The following STRN3 variants were observed in gnomAD, a reference collection of about 807,000 sequenced individuals.
STRN3 encodes striatin-3.
STRN3 carries 29 observed loss-of-function variants against 95.6 expected under a neutral mutation model. That is an observed-to-expected ratio of 0.30 (90% CI 0.23 to 0.41). STRN3 has a LOEUF of 0.41. STRN3 is among the 10% of genes least tolerant of loss of function. STRN3 has a pLI of 1.00. For synonymous variants in STRN3, 331 were observed against 357.6 expected, an observed-to-expected ratio of 0.93 and a Z score of 0.84; for missense variants, 890 against 972.1, an observed-to-expected ratio of 0.92 and a Z score of 1.12.
intron 16 of STRN3, among the ~76,000 whole-genome samples, chr14:30,901,787 A>G (rs780916179): frequency 6.6e-6 from 1 of 152,186 alleles, no homozygotes; most frequent in Non-Finnish European, 1.5e-5. Context: ...CAACTGGTAT[A>G]TTTCCCTACA....
intron 3 of STRN3, among the ~76,000 whole-genome samples, chr14:30,953,547 T>A (rs1207072987): frequency 6.6e-6 from 1 of 152,230 alleles, no homozygotes; most frequent in African/African-American, 2.4e-5. Flanking sequence ...CTGTAAATAA[T>A]GATGCTATGA....
At chr14:30,913,358 CAA>C (rs1263105296) in intron 10 of STRN3, among the ~76,000 whole-genome samples, 164 bp downstream of exon 10, 4 of 151,908 alleles carry the variant, frequency 2.6e-5, no homozygotes, top group African/African-American at 4.8e-5. Context: ...TTAAATACCA[CAA>C]AGAGAGTAGT....
chr14:30,965,392 G>A (rs1880434708), intron 1 of STRN3, among the ~76,000 whole-genome samples: 2 of 152,000 alleles, frequency 1.3e-5, no homozygotes, highest in African/African-American at 2.4e-5. Flanking sequence ...AGACTGGTTG[G>A]CTCCTTAAGT....
intron 1 of STRN3, among the ~76,000 whole-genome samples, chr14:30,965,448 A>C (rs988933367): frequency 6.6e-6 from 1 of 152,020 alleles, no homozygotes; most frequent in Non-Finnish European, 1.5e-5. Context: ...GCACTTTAGG[A>C]GACTAAGGCA....
chr14:30,960,873 A>C (rs2139160590), intron 1 of STRN3, among the ~76,000 whole-genome samples: 1 of 150,534 alleles, frequency 6.6e-6, no homozygotes. Context: ...CATCTCAAAA[A>C]AAAAAAAAAA....
At chr14:31,015,846 C>T (rs1241234610) in intron 1 of STRN3, among the ~76,000 whole-genome samples, 2 of 152,050 alleles carry the variant, frequency 1.3e-5, no homozygotes, top group Admixed American at 6.6e-5. Flanking sequence ...TCACCCAGGC[C>T]GGAGTGCAGT....
Position 31,025,933 on chromosome 14 carries a change from G to A in STRN3, c.253C>T (p.His85Tyr). The stretch of plus-strand genomic sequence containing the variant: ...AGTTCGGCCCGTTCCACCTCCCAGT[G>A]CGCCCGCTCCATCTCGAACCGAGCC... ...EWARFEMERA[H>Y]WEVERAELQA... Residue 85 changes from histidine (H) to tyrosine (Y), a missense_variant, in exon 1 of 18, where the codon CAC becomes TAC. This residue lies in a region of STRN3 where 526 missense variants were observed against 526.3 expected (regional missense o/e 1.00). Coordinates refer to ENST00000357479, the MANE Select transcript of STRN3 (RefSeq NM_001083893.2). 4 of 1,600,976 alleles carry A rather than the reference G, an allele frequency of 2.5e-6. No homozygotes were observed. Among genetic ancestry groups the A allele is most frequent in the East Asian group, 2.3e-5 (1 of 43,816 alleles).
chr14:30,905,379 C>T, intron 15 of STRN3, 39 bp downstream of exon 15: 1 of 1,549,860 alleles, frequency 6.5e-7, no homozygotes, highest in Non-Finnish European at 8.7e-7. Flanking sequence ...TGTGTAATAA[C>T]CCTTTTTAAG....
rs1319294371 is a variant in STRN3 at position 31,013,911 on chromosome 14, ATTATTATTT to A, written c.282+11984_282+11992del. On this transcript the variant is annotated intron_variant, in intron 1 of 17. Transcript: ENST00000357479. ...TATTATTATTATTATTATTATTATT[ATTATTATTT>A]GAGACAGAGTGTCAGTCTATTGACC... Among the ~76,000 whole-genome samples, 11 of 106,042 alleles carry A rather than the reference ATTATTATTT, an allele frequency of 1.0e-4. 1 individual carries two copies. Among genetic ancestry groups the A allele is most frequent in the African/African-American group, 3.9e-4 (11 of 28,342 alleles). The allele number at this position is 106,042 out of a possible 152,430, so 69.6% of individuals were successfully genotyped here.
chr14:30,959,744 G>GGT lies in STRN3; in HGVS notation c.283-3503_283-3502insAC, dbSNP rs576051797. Among the ~76,000 whole-genome samples, 27 of 151,938 alleles carry GGT rather than the reference G, an allele frequency of 1.8e-4. No homozygotes were observed. In the Middle Eastern group the frequency reaches 0.01, roughly 57 times the overall value. On this transcript the variant is annotated intron_variant, in intron 1 of 17. Coordinates refer to ENST00000357479, the MANE Select transcript of STRN3 (RefSeq NM_001083893.2). ...GCTGGGGGGTGGGGGAGAATTGCTTGAGCCAGGGACTTCGAGACCAGCCTG... is the reference window on the plus strand; with the variant it reads ...GCTGGGGGGTGGGGGAGAATTGCTTGGTAGCCAGGGACTTCGAGACCAGCCTG...
At chr14:30,967,216 A>G (rs916929612) in intron 1 of STRN3, among the ~76,000 whole-genome samples, 27 of 106,048 alleles carry the variant, frequency 2.5e-4, no homozygotes, top group Non-Finnish European at 3.0e-4. Flanking sequence ...AGAGACACAG[A>G]GGGGAAAGAG....
At chr14:30,980,557 G>A (rs1031848132) in intron 1 of STRN3, among the ~76,000 whole-genome samples, 9 of 151,706 alleles carry the variant, frequency 5.9e-5, no homozygotes, top group Admixed American at 2.0e-4. Flanking sequence ...ACAGGCACCC[G>A]CCACCACGCC....
chr14:30,956,161 C>G lies in STRN3; in HGVS notation c.364G>C (p.Glu122Gln). The G allele has an allele frequency of 6.2e-7, 1 of 1,613,878 alleles. No individual in the cohort carries two copies. Among genetic ancestry groups the G allele is most frequent in the Non-Finnish European group, 8.5e-7 (1 of 1,179,930 alleles). ...KDLVRRIKMLEYALKQERAKY... is the reference protein window; with the variant it reads ...KDLVRRIKMLQYALKQERAKY... ...TACCTTTCTTGTTTTAATGCATACT[C>G]TAACATCTTTATTCTTCTTACTAAG... is the stretch of plus-strand genomic sequence containing the variant. The change falls in exon 2 of 18, where the codon GAG becomes CAG. Residue 122 changes from glutamate to glutamine, a missense_variant. Transcript: ENST00000357479.
At chr14:30,968,497 C>T (rs1202113991) in intron 1 of STRN3, among the ~76,000 whole-genome samples, 1 of 150,966 alleles carries the variant, frequency 6.6e-6, no homozygotes, top group Admixed American at 6.6e-5. Flanking sequence ...CTGGCTAACA[C>T]AGTGAAACCC....
intron 1 of STRN3, among the ~76,000 whole-genome samples, chr14:30,989,025 T>C (rs1881824393): frequency 6.6e-6 from 1 of 152,236 alleles, no homozygotes; most frequent in African/African-American, 2.4e-5. Flanking sequence ...TCAAGTCTAC[T>C]GGCTTCCCAG....
chr14:31,005,702 G>C (rs1882680023), intron 1 of STRN3, among the ~76,000 whole-genome samples: 1 of 152,164 alleles, frequency 6.6e-6, no homozygotes, highest in African/African-American at 2.4e-5. Flanking sequence ...CTGCAGGCAG[G>C]CTCTACTCAA....
intron 1 of STRN3, among the ~76,000 whole-genome samples, chr14:31,003,640 T>TTCCACATGAGTG: frequency 6.6e-6 from 1 of 152,274 alleles, no homozygotes; most frequent in East Asian, 1.9e-4. Context: ...GGAAGCAGAC[T>TTCCACATGAGTG]GAAGCCCTCA....
At chr14:30,912,235 T>C (rs775556010) in intron 10 of STRN3, 53 bp from the exon 11 acceptor site, 510 of 1,541,842 alleles carry the variant, frequency 3.3e-4, no homozygotes, top group Non-Finnish European at 4.3e-4. Context: ...CTGGAAGGCA[T>C]GTGGAGTGTT....
rs890195965 is a variant in STRN3 at position 30,935,964 on chromosome 14, C to T, written c.846+531G>A. ...TGCTGTACACTACTTTGGTAATCCACGAATGGACGATCAACTCTACTTTGG... is the reference window on the plus strand; with the variant it reads ...TGCTGTACACTACTTTGGTAATCCATGAATGGACGATCAACTCTACTTTGG... On this transcript the variant is annotated intron_variant, in intron 6 of 17. Transcript: ENST00000357479. Among the ~76,000 whole-genome samples the T allele has an allele frequency of 5.3e-5, 8 of 152,192 alleles. No homozygotes were observed. The East Asian group carries it at 9.6e-4, about 18-fold the overall frequency.
Sources: gnomAD v4.1 joint callset for allele counts (sites outside exome capture counted in the v4.1 genomes callset) on GRCh38, gnomAD v4.1.1 for gene constraint, gnomAD v4.1.1 regional missense constraint, MANE v1.5 for transcripts, NCBI Gene and HGNC (gene_info 2026-07-23, HGNC 2026-07-21) for gene names.